The following IFT172 variants were observed in gnomAD, a reference collection of about 807,000 sequenced individuals.
The protein encoded by IFT172 is intraflagellar transport 172.
IFT172 carries 164 observed loss-of-function variants against 248.9 expected under a neutral mutation model. That is an observed-to-expected ratio of 0.66 (90% CI 0.58 to 0.75). IFT172 has a LOEUF of 0.75. Ranked by LOEUF, IFT172 falls within the 30% of genes least tolerant of loss-of-function variation. The pLI is 0.00. For synonymous variants in IFT172, 729 were observed against 791.6 expected, an observed-to-expected ratio of 0.92 and a Z score of 1.33; for missense variants, 1,950 against 2,192.4, an observed-to-expected ratio of 0.89 and a Z score of 2.21.
At chr2:27,478,856 T>C (rs7579203) in intron 10 of IFT172, among the ~76,000 whole-genome samples, 5,396 of 152,238 alleles carry the variant, frequency 0.035, 293 homozygotes, top group African/African-American at 0.12. Context: ...TGCAACATCA[T>C]ACACAGTGAG....
chr2:27,484,075 C>A, intron 4 of IFT172, 138 bp from the exon 5 acceptor site: 1 of 1,289,284 alleles, frequency 7.8e-7, no homozygotes, highest in Non-Finnish European at 1.1e-6. Context: ...AGGAAGACAG[C>A]AGATGACCAT....
At chr2:27,470,395 T>C (rs1667472418) in intron 16 of IFT172, among the ~76,000 whole-genome samples, 3 of 152,102 alleles carry the variant, frequency 2.0e-5, no homozygotes, top group African/African-American at 7.2e-5. Flanking sequence ...AAAGGAGATT[T>C]TAAAAAGGTA....
chr2:27,447,055 C>T (rs11687219), intron 42 of IFT172, among the ~76,000 whole-genome samples: 3 of 149,928 alleles, frequency 2.0e-5, no homozygotes, highest in Admixed American at 6.7e-5. Flanking sequence ...GTTGGCCAGG[C>T]TGGTCTCGAA....
intron 14 of IFT172, among the ~76,000 whole-genome samples, chr2:27,473,185 G>T (rs1250156407): frequency 6.6e-6 from 1 of 151,388 alleles, no homozygotes; most frequent in Non-Finnish European, 1.5e-5. Flanking sequence ...TGGCCAACAT[G>T]GTGAAACCCT....
At chr2:27,485,271 A>G (rs987482221) in intron 2 of IFT172, 89 bp downstream of exon 2, 2 of 1,587,230 alleles carry the variant, frequency 1.3e-6, no homozygotes, top group African/African-American at 2.7e-5. Context: ...GCCATTTCCT[A>G]TGCTGATGGC....
intron 16 of IFT172, 121 bp from the exon 17 acceptor site, chr2:27,466,003 T>C: frequency 8.9e-7 from 1 of 1,123,512 alleles, no homozygotes; most frequent in Non-Finnish European, 1.3e-6. Flanking sequence ...GCGGCCCTGA[T>C]TTTCCTAACA....
intron 43 of IFT172, 64 bp downstream of exon 43, chr2:27,446,196 G>A (rs1006823501): frequency 1.7e-5 from 25 of 1,500,654 alleles, no homozygotes; most frequent in African/African-American, 2.8e-5. Flanking sequence ...GAGCAGAAGG[G>A]ATATTCTATT....
Position 27,445,809 on chromosome 2 carries a change from T to G in IFT172, c.4850A>C (p.His1617Pro). ...AATGTCTGTATCCTGAAAATCAGAG[T>G]GGTCAAGGCCATCTAGAGTCCCTTC... ...IEEGTLDGLDHSDFQDTDIPF... is the reference protein window; with the variant it reads ...IEEGTLDGLDPSDFQDTDIPF... Residue 1617 changes from histidine to proline, a missense_variant, in exon 45 of 48, where the codon CAC (histidine) becomes CCC (proline). This residue lies in a region of IFT172 where 620 missense variants were observed against 699.0 expected (regional missense o/e 0.89). Coordinates refer to ENST00000260570, the MANE Select transcript of IFT172 (RefSeq NM_015662.3). This position sits in a 1 kb window ranked among gnomAD's most constrained non-coding sequence, Gnocchi z 4.4. The G allele has an allele frequency of 6.2e-7, 1 of 1,613,994 alleles. No homozygotes were observed. Among genetic ancestry groups the G allele is most frequent in the South Asian group, 1.1e-5 (1 of 91,070 alleles).
intron 14 of IFT172, chr2:27,475,399 T>C (rs536536781): frequency 6.6e-6 from 1 of 152,292 alleles, no homozygotes; most frequent in East Asian, 1.9e-4. Flanking sequence ...AGAGGGAGGA[T>C]ATAAAATGAT....
rs2148489682 is a variant in IFT172 at position 27,454,504 on chromosome 2, C to T, written c.3465+63G>A. On this transcript the variant is annotated intron_variant, in intron 31 of 47. Transcript: ENST00000260570. This position sits in a 1 kb window ranked among gnomAD's most constrained non-coding sequence, Gnocchi z 4.2. ...TGAGACTGGGGGTCTGCACACCCAG[C>T]AGCAGTGCACTAGGGGATGGAATAA... 6 of 1,602,220 alleles carry T rather than the reference C, an allele frequency of 3.7e-6. No homozygotes were observed. The South Asian group carries it at 6.6e-5, about 18-fold the overall frequency.
At chr2:27,483,807 T>C in intron 5 of IFT172, 65 bp downstream of exon 5, 1 of 1,473,114 alleles carries the variant, frequency 6.8e-7, no homozygotes, top group South Asian at 1.1e-5. Context: ...GGATGAACCA[T>C]ATTCCTCTCT....
At chr2:27,455,898 G>A (rs1002816743) in intron 30 of IFT172, 21 of 358,384 alleles carry the variant, frequency 5.9e-5, no homozygotes, top group South Asian at 1.9e-4. Flanking sequence ...AATGCTTCAC[G>A]GACTCTGGTG....
intron 9 of IFT172, 89 bp from the exon 10 acceptor site, chr2:27,479,693 C>G (rs1018445122): frequency 1.1e-6 from 1 of 890,296 alleles, no homozygotes; most frequent in Admixed American, 1.9e-5. Flanking sequence ...AACCTAAGCT[C>G]TAGAGTCTAG....
chr2:27,457,801 G>A, intron 28 of IFT172, 40 bp downstream of exon 28: 1 of 1,614,118 alleles, frequency 6.2e-7, no homozygotes. Flanking sequence ...GATGGAGCCT[G>A]GTTGGGGAAG....
intron 7 of IFT172, 34 bp from the exon 8 acceptor site, chr2:27,481,294 C>G: frequency 6.5e-7 from 1 of 1,539,028 alleles, no homozygotes; most frequent in Non-Finnish European, 8.9e-7. Flanking sequence ...AATCACTCTT[C>G]GAAGACTCCA....
At chr2:27,485,777 C>T (rs1021151636) in intron 1 of IFT172, among the ~76,000 whole-genome samples, 5 of 152,208 alleles carry the variant, frequency 3.3e-5, no homozygotes, top group South Asian at 2.1e-4. Flanking sequence ...ACGGCCTCCT[C>T]GTTTCCAGGT....
intron 1 of IFT172, among the ~76,000 whole-genome samples, chr2:27,488,246 C>G (rs1003506915): frequency 6.6e-6 from 1 of 151,892 alleles, no homozygotes; most frequent in African/African-American, 2.4e-5. Context: ...CTCCACCTCC[C>G]GGGTTCAAGC....
At chr2:27,444,605 A>G (rs1318913430) in intron 47 of IFT172, 84 bp from the exon 48 acceptor site, 1 of 1,023,982 alleles carries the variant, frequency 9.8e-7, no homozygotes, top group East Asian at 2.4e-5. Flanking sequence ...CAGGGTCTGC[A>G]TCTGCCTTCC....
At chr2:27,466,430 T>C (rs1381953150) in intron 16 of IFT172, among the ~76,000 whole-genome samples, 2 of 151,788 alleles carry the variant, frequency 1.3e-5, no homozygotes, top group Admixed American at 6.6e-5. Context: ...GGATGGGGAG[T>C]CTGAATTTGA....
Sources: allele counts gnomAD v4.1 joint callset (sites outside exome capture counted in the v4.1 genomes callset), GRCh38; gene constraint gnomAD v4.1.1; regional missense constraint gnomAD v4.1.1; non-coding constraint Gnocchi (gnomAD v3.1); transcripts MANE v1.5; gene names NCBI Gene and HGNC (gene_info 2026-07-23, HGNC 2026-07-21).